The following CSMD1 variants were observed in gnomAD, a reference collection of about 807,000 sequenced individuals.
The protein encoded by CSMD1 is CUB and Sushi multiple domains 1.
Under a neutral mutation model 417.5 loss-of-function variants are expected in CSMD1, and 213 were observed. That is an observed-to-expected ratio of 0.51 (90% confidence interval 0.46 to 0.57). CSMD1 has a LOEUF of 0.57. CSMD1 is among the 20% of genes least tolerant of loss of function. The pLI, the probability that CSMD1 is intolerant of heterozygous loss-of-function variation, is 0.00. For synonymous variants in CSMD1, 2,862 were observed against 1,736.8 expected, an observed-to-expected ratio of 1.65 and a Z score of -16.11; for missense variants, 6,923 against 4,529.7, an observed-to-expected ratio of 1.53 and a Z score of -15.17.
Position 3,199,778 on chromosome 8 carries a change from T to A in CSMD1, c.5130A>T (p.Gln1710His), listed in dbSNP as rs765741408. ...GETLPLATSN[Q>H]ILLRFSAKSG... ...TCTTTGCACTGAATCGGAGCAGAATTTGATTTGACGTAGCCAAGGGCAATG... is the reference window on the plus strand; with the variant it reads ...TCTTTGCACTGAATCGGAGCAGAATATGATTTGACGTAGCCAAGGGCAATG... Residue 1710 changes from glutamine (Q) to histidine (H), a missense_variant, in exon 33 of 70, where the codon CAA (glutamine) becomes CAT (histidine). Transcript: ENST00000635120. 5 of 1,582,446 alleles carry A rather than the reference T, an allele frequency of 3.2e-6. No individual in the cohort carries two copies. The highest frequency in any genetic ancestry group is 4.3e-6 in the Non-Finnish European group (5 of 1,163,664).
At chr8:4,232,724 A>C (rs73186131) in intron 3 of CSMD1, among the ~76,000 whole-genome samples, 8,674 of 152,292 alleles carry the variant, frequency 0.057, 328 homozygotes, top group African/African-American at 0.099. Context: ...AGCATGATTT[A>C]ACAGTCGTAA....
intron 4 of CSMD1, among the ~76,000 whole-genome samples, chr8:4,030,227 T>G (rs948776408): frequency 6.6e-6 from 1 of 152,112 alleles, no homozygotes; most frequent in African/African-American, 2.4e-5. Context: ...GTAGGGACTC[T>G]GTGGGGGAGC....
At chr8:3,963,817 T>G (rs1035117560) in intron 5 of CSMD1, among the ~76,000 whole-genome samples, 8 of 152,100 alleles carry the variant, frequency 5.3e-5, no homozygotes, top group Non-Finnish European at 1.2e-4. Flanking sequence ...TGAAATAAAA[T>G]CAACATCAAA....
At chr8:3,238,210 G>A (rs988346943) in intron 26 of CSMD1, among the ~76,000 whole-genome samples, 5 of 152,022 alleles carry the variant, frequency 3.3e-5, no homozygotes, top group East Asian at 1.9e-4. Flanking sequence ...AAGGTGCTCA[G>A]CAGGGGAGCT....
chr8:4,387,569 G>GAAAAAAAA (rs1563120658), intron 3 of CSMD1, among the ~76,000 whole-genome samples: 2 of 3,310 alleles, frequency 6.0e-4, no homozygotes, highest in Non-Finnish European at 3.0e-3. Context: ...ATCCAAACTG[G>GAAAAAAAA]CAAAAAAAAA....
intron 9 of CSMD1, among the ~76,000 whole-genome samples, chr8:3,580,536 G>A (rs1056307908): frequency 6.6e-6 from 1 of 152,042 alleles, no homozygotes; most frequent in East Asian, 1.9e-4. Context: ...GAGTATGAGA[G>A]TAGTATAAGA....
At chr8:3,518,568 A>G (rs536759942) in intron 10 of CSMD1, among the ~76,000 whole-genome samples, 3 of 152,350 alleles carry the variant, frequency 2.0e-5, no homozygotes, top group African/African-American at 7.2e-5. Context: ...ATGTGAAAGT[A>G]AATTAGAATG....
At chr8:3,276,803 C>T (rs376158505) in intron 26 of CSMD1, among the ~76,000 whole-genome samples, 8 of 152,116 alleles carry the variant, frequency 5.3e-5, no homozygotes, top group South Asian at 2.1e-4. Context: ...CATTTATGCA[C>T]GTGGAAAATT....
At chr8:3,284,449 C>G in intron 25 of CSMD1, 103 bp from the exon 26 acceptor site, 1 of 774,624 alleles carries the variant, frequency 1.3e-6, no homozygotes, top group East Asian at 2.7e-5. Flanking sequence ...ACAACCCCCA[C>G]CAACATGTGC....
intron 25 of CSMD1, among the ~76,000 whole-genome samples, chr8:3,296,583 G>A (rs909229959): frequency 6.6e-6 from 1 of 152,154 alleles, no homozygotes; most frequent in Non-Finnish European, 1.5e-5. Context: ...GAGGGAAAAT[G>A]ACACTCTGTC....
intron 3 of CSMD1, among the ~76,000 whole-genome samples, chr8:4,297,581 G>C (rs181461845): frequency 6.8e-4 from 103 of 152,144 alleles, no homozygotes; most frequent in Middle Eastern, 3.4e-3. Flanking sequence ...TTTAATTTTA[G>C]ATGTTTAAAA....
intron 4 of CSMD1, among the ~76,000 whole-genome samples, chr8:4,004,651 T>C (rs745512023): frequency 1.3e-5 from 2 of 152,312 alleles, no homozygotes; most frequent in Non-Finnish European, 2.9e-5. Flanking sequence ...AATAAATTTG[T>C]GTATGAAATA....
intron 46 of CSMD1, among the ~76,000 whole-genome samples, chr8:3,101,827 A>T: frequency 8.4e-6 from 1 of 119,334 alleles, no homozygotes. Flanking sequence ...TTTTAGACAG[A>T]GTCTTGCTCT....
At chr8:4,869,140 T>A (rs113613466) in intron 1 of CSMD1, among the ~76,000 whole-genome samples, 3 of 152,054 alleles carry the variant, frequency 2.0e-5, no homozygotes, top group African/African-American at 7.3e-5. Context: ...ATCAAATTTG[T>A]GACACAAAAT....
At chr8:3,906,669 G>C (rs148961873) in intron 5 of CSMD1, among the ~76,000 whole-genome samples, 1 of 150,998 alleles carries the variant, frequency 6.6e-6, no homozygotes, top group African/African-American at 2.4e-5. Flanking sequence ...TTGCACAGCA[G>C]AGAGAAAATA....
chr8:4,599,104 A>T (rs1800443083), intron 2 of CSMD1, among the ~76,000 whole-genome samples: 1 of 152,224 alleles, frequency 6.6e-6, no homozygotes, highest in South Asian at 2.1e-4. Flanking sequence ...ATTAAGTAAA[A>T]AGTGTTAGAA....
chr8:4,045,177 G>A (rs888418616), intron 3 of CSMD1, among the ~76,000 whole-genome samples: 1 of 152,136 alleles, frequency 6.6e-6, no homozygotes, highest in African/African-American at 2.4e-5. Flanking sequence ...GGGGTACCGG[G>A]TGCTGAGGTA....
chr8:4,179,527 T>G (rs1344194627), intron 3 of CSMD1, among the ~76,000 whole-genome samples: 3 of 150,506 alleles, frequency 2.0e-5, no homozygotes, highest in African/African-American at 4.9e-5. Context: ...GGCAAAGACT[T>G]CATGTCTAAA....
chr8:4,737,250 G>A (rs1404552726), intron 1 of CSMD1, among the ~76,000 whole-genome samples: 1 of 151,980 alleles, frequency 6.6e-6, no homozygotes, highest in South Asian at 2.1e-4. Context: ...AAACCAAATA[G>A]TGCACGTTCT....
Sources: gnomAD v4.1 joint callset for allele counts (sites outside exome capture counted in the v4.1 genomes callset) on GRCh38, gnomAD v4.1.1 for gene constraint, MANE v1.5 for transcripts, NCBI Gene and HGNC (gene_info 2026-07-23, HGNC 2026-07-21) for gene names.